Variants in BCL11A observed in about 807,000 individuals in gnomAD.
BCL11A encodes B cell CLL/lymphoma 11A.
BCL11A carries 2 observed loss-of-function variants against 55.9 expected under a neutral mutation model. That is an observed-to-expected ratio of 0.04 (90% confidence interval 0.01 to 0.11). The LOEUF is 0.11. Among genes scored for constraint, BCL11A ranks in the 10% least tolerant of loss-of-function variants. BCL11A has a pLI of 1.00. For missense variants in BCL11A, 817 were observed against 1,137.1 expected, an observed-to-expected ratio of 0.72 and a Z score of 4.05; for synonymous variants, 465 against 473.4, an observed-to-expected ratio of 0.98 and a Z score of 0.23.
At chr2:60,544,300 C>T (rs1670056719) in intron 2 of BCL11A, 1 of 152,262 alleles carries the variant, frequency 6.6e-6, no homozygotes, top group African/African-American at 2.4e-5. Context: ...CCCCTTCCGC[C>T]TGCTCTTGCT....
At chr2:60,474,247 T>C (rs1677385157) in intron 2 of BCL11A, among the ~76,000 whole-genome samples, 4 of 152,068 alleles carry the variant, frequency 2.6e-5, no homozygotes, top group Admixed American at 2.6e-4. Flanking sequence ...GCCACCAATC[T>C]GTCAGGCCTA....
intron 3 of BCL11A, among the ~76,000 whole-genome samples, chr2:60,463,398 G>A (rs547874957): frequency 6.6e-6 from 1 of 152,326 alleles, no homozygotes; most frequent in African/African-American, 2.4e-5. Flanking sequence ...TCATTGTTTT[G>A]AGAGGCTAAC....
At chr2:60,549,976 T>C (rs1259910243) in intron 1 of BCL11A, 2 of 152,202 alleles carry the variant, frequency 1.3e-5, no homozygotes, top group Admixed American at 6.5e-5. Flanking sequence ...TGATGATAAC[T>C]ATTACTATTG....
chr2:60,455,941 C>T (rs1675915376), downstream of BCL11A, among the ~76,000 whole-genome samples: 2 of 152,098 alleles, frequency 1.3e-5, no homozygotes, highest in Non-Finnish European at 2.9e-5. Flanking sequence ...AGTTCAGTGA[C>T]AAACATCAAG....
In BCL11A at chr2:60,546,541, T is replaced by A; in HGVS notation, c.56-241A>T. 2.0e-6 allele frequency: 1 copy of A among 498,256 alleles called. No individual in the cohort carries two copies. The highest frequency in any genetic ancestry group is 3.6e-6 in the Non-Finnish European group (1 of 280,504). The allele number at this position is 498,256 out of a possible 1,614,324, so 30.9% of individuals were successfully genotyped here. A position where few individuals can be genotyped will look rare whatever the true frequency, so the allele number is the denominator to read the frequency against. On this transcript the variant is annotated intron_variant, in intron 1 of 3. Transcript: ENST00000642384. This position sits in a 1 kb window ranked among gnomAD's most constrained non-coding sequence, Gnocchi z 4.1. Reference sequence around the variant, plus strand: ...TGTAAAGAAAACAGTCTTCCTTGCATAACTCCAGAGAACACACACACACAC... The same window carrying A: ...TGTAAAGAAAACAGTCTTCCTTGCAAAACTCCAGAGAACACACACACACAC...
chr2:60,498,815 C>G (rs1679102732), intron 2 of BCL11A, among the ~76,000 whole-genome samples: 1 of 152,142 alleles, frequency 6.6e-6, no homozygotes, highest in South Asian at 2.1e-4. Flanking sequence ...TTAAGGAAGC[C>G]TCTCTGATGG....
At chr2:60,476,688 C>G (rs1156921315) in intron 2 of BCL11A, among the ~76,000 whole-genome samples, 1 of 152,224 alleles carries the variant, frequency 6.6e-6, no homozygotes, top group Non-Finnish European at 1.5e-5. Context: ...GGCAGGGCTT[C>G]TAACATTTTA....
At chr2:60,477,504 G>A (rs772807330) in intron 2 of BCL11A, among the ~76,000 whole-genome samples, 4 of 152,160 alleles carry the variant, frequency 2.6e-5, no homozygotes, top group Admixed American at 6.5e-5. Context: ...TAATGTAGAT[G>A]ATGGGTTGAT....
rs529096853 is a variant in BCL11A, at chr2:60,479,956, G to A, written c.386-11123C>T. Among the ~76,000 whole-genome samples the A allele has an allele frequency of 3.8e-4, 58 of 152,330 alleles. No homozygotes were observed. In the South Asian group the frequency reaches 0.011, roughly 29 times the overall value. Reference sequence around the variant, plus strand: ...GAAAGAAATCTGAAGTTGACAGGTTGGGACAACTCCACTCAGCTTTCTCAC... The same window carrying A: ...GAAAGAAATCTGAAGTTGACAGGTTAGGACAACTCCACTCAGCTTTCTCAC... On this transcript the variant is annotated intron_variant, in intron 2 of 3. Transcript: ENST00000642384.
At chr2:60,509,352 G>A (rs182765665) in intron 2 of BCL11A, among the ~76,000 whole-genome samples, 2 of 152,292 alleles carry the variant, frequency 1.3e-5, no homozygotes, top group Admixed American at 6.5e-5. Context: ...TGGAAAAGAG[G>A]ACAACGGATT....
Position 60,491,957 on chromosome 2 carries a change from T to A in BCL11A, c.386-23124A>T, listed in dbSNP as rs568819762. On this transcript the variant is annotated intron_variant, in intron 2 of 3. Coordinates refer to ENST00000642384, the MANE Select transcript of BCL11A (RefSeq NM_022893.4). ...GCATTTACGCTAAATACCTTGGAAA[T>A]TGAGAGGGAATCTGGAGAGGAAGAT... Among the ~76,000 whole-genome samples the A allele has an allele frequency of 7.2e-5, 11 of 152,288 alleles. No homozygotes were observed. The South Asian group carries it at 1.9e-3, about 26-fold the overall frequency.
chr2:60,467,888 GTAGTGATGGTGGTGGTAA>G (rs1676907717), intron 3 of BCL11A, among the ~76,000 whole-genome samples: 1 of 112,732 alleles, frequency 8.9e-6, no homozygotes, highest in East Asian at 2.5e-4. Flanking sequence ...GGTGGTGGTG[GTAGTGATGGTGGTGGTAA>G]TGGTGGTGGT....
chr2:60,529,774 A>C (rs1288857529), intron 2 of BCL11A, among the ~76,000 whole-genome samples: 1 of 152,178 alleles, frequency 6.6e-6, no homozygotes, highest in African/African-American at 2.4e-5. Context: ...GATGTGCACA[A>C]TGGTGCCTTT....
intron 3 of BCL11A, among the ~76,000 whole-genome samples, 161 bp from the exon 4 acceptor site, chr2:60,462,585 G>A (rs1354111201): frequency 6.6e-6 from 1 of 151,842 alleles, no homozygotes; most frequent in African/African-American, 2.4e-5. Flanking sequence ...GTCTGAGCAT[G>A]GGTACCCAGT....
intron 2 of BCL11A, among the ~76,000 whole-genome samples, chr2:60,512,069 G>C (rs1382642283): frequency 6.6e-6 from 1 of 152,210 alleles, no homozygotes; most frequent in Admixed American, 6.5e-5. Context: ...AAATGAATAT[G>C]TGTGCAGCCA....
At chr2:60,526,666 C>T (rs1041129135) in intron 2 of BCL11A, 2 of 152,138 alleles carry the variant, frequency 1.3e-5, no homozygotes, top group Non-Finnish European at 2.9e-5. Flanking sequence ...CAATACCAAG[C>T]CTTCAAGTGC....
At position 60,546,859 on chromosome 2, in the gene BCL11A, CTAT is replaced by C. The variant is rs1670181285; in HGVS notation, c.56-562_56-560del. ...CATGGCTTCATAAATTAGAAAGCTA[CTAT>C]GTCACATGAAAAATGTGCCACATTT... On this transcript the variant is annotated intron_variant, in intron 1 of 3. Coordinates refer to ENST00000642384, the MANE Select transcript of BCL11A (RefSeq NM_022893.4). The surrounding 1 kb of genome is among the most constrained non-coding windows in gnomAD (Gnocchi z 4.1). Among the ~76,000 whole-genome samples the C allele has an allele frequency of 6.6e-6, 1 of 152,036 alleles. No homozygotes were observed. Among genetic ancestry groups the C allele is most frequent in the South Asian group, 2.1e-4 (1 of 4,814 alleles).
chr2:60,453,663 T>G (rs1308941228), downstream of BCL11A, among the ~76,000 whole-genome samples: 1 of 152,184 alleles, frequency 6.6e-6, no homozygotes, highest in East Asian at 1.9e-4. Context: ...AATCAAACCC[T>G]TTCGTCCAAC....
intron 2 of BCL11A, among the ~76,000 whole-genome samples, chr2:60,506,904 G>C (rs934593097): frequency 1.3e-5 from 2 of 152,036 alleles, no homozygotes; most frequent in East Asian, 3.9e-4. Flanking sequence ...AATTTAACTT[G>C]GGATCCAAAC....
Sources: allele counts gnomAD v4.1 joint callset (sites outside exome capture counted in the v4.1 genomes callset), GRCh38; gene constraint gnomAD v4.1.1; non-coding constraint Gnocchi (gnomAD v3.1); transcripts MANE v1.5; gene names NCBI Gene and HGNC (gene_info 2026-07-23, HGNC 2026-07-21).